The following TBXAS1 variants were observed in gnomAD, a reference collection of about 807,000 sequenced individuals.
TBXAS1 encodes the protein thromboxane A synthase 1.
Under a neutral mutation model 60.7 loss-of-function variants are expected in TBXAS1, and 48 were observed. That is an observed-to-expected ratio of 0.79 (90% CI 0.63 to 1.01). TBXAS1 has a LOEUF of 1.01. Among genes scored for constraint, TBXAS1 ranks in the 50% least tolerant of loss-of-function variants. The pLI is 0.00. For synonymous variants in TBXAS1, 287 were observed against 269.7 expected (o/e 1.06, Z -0.63); for missense variants, 685 against 686.3 (o/e 1.00, Z 0.02).
At chr7:139,984,774 AAG>A (rs1491011572) in intron 9 of TBXAS1, among the ~76,000 whole-genome samples, 6 of 56,512 alleles carry the variant, frequency 1.1e-4, no homozygotes, top group Non-Finnish European at 4.1e-5. Flanking sequence ...GCAGGAAAGA[AAG>A]AAAGAAAAGA....
chr7:139,847,477 G>C (rs2116622590), intron 1 of TBXAS1, among the ~76,000 whole-genome samples: 1 of 152,122 alleles, frequency 6.6e-6, no homozygotes, highest in East Asian at 1.9e-4. Flanking sequence ...TTCTTTGCAG[G>C]TTCAATTCTC....
chr7:139,850,383 A>G (rs1442443767), intron 1 of TBXAS1, among the ~76,000 whole-genome samples: 3 of 152,246 alleles, frequency 2.0e-5, no homozygotes, highest in Non-Finnish European at 4.4e-5. Flanking sequence ...CACAACATGA[A>G]AAAAGAAGTT....
intron 3 of TBXAS1, among the ~76,000 whole-genome samples, chr7:139,879,544 A>G (rs1280365315): frequency 6.6e-6 from 1 of 152,172 alleles, no homozygotes; most frequent in Non-Finnish European, 1.5e-5. Flanking sequence ...AAACTCTGTA[A>G]GAACAGAATC....
intron 4 of TBXAS1, among the ~76,000 whole-genome samples, chr7:139,799,252 GAC>G (rs1347670889): frequency 7.1e-6 from 1 of 141,838 alleles, no homozygotes; most frequent in Non-Finnish European, 1.5e-5. Context: ...TTTTTTTTGA[GAC>G]AGTCTCACTT....
rs530617505 is a variant in TBXAS1 at position 139,974,553 on chromosome 7, C to T, written c.1134+12320C>T. On this transcript the variant is annotated intron_variant, in intron 9 of 12. Transcript: ENST00000448866. ...GAGCTGACACCTGCTGGCAATGTGA[C>T]GTGGATCACTCACATAATCCCTTCC... Among the ~76,000 whole-genome samples the T allele has an allele frequency of 2.0e-5, 3 of 152,274 alleles. 1 individual carries two copies. The highest frequency in any genetic ancestry group is 7.2e-5 in the African/African-American group (3 of 41,546).
At chr7:140,006,183 A>G (rs1254566614) in intron 9 of TBXAS1, among the ~76,000 whole-genome samples, 6 of 152,242 alleles carry the variant, frequency 3.9e-5, no homozygotes, top group Admixed American at 3.9e-4. Flanking sequence ...ATCTAGGTGA[A>G]GAAAGTGAGA....
intron 9 of TBXAS1, among the ~76,000 whole-genome samples, chr7:139,993,892 C>CTTT (rs71170931): frequency 5.6e-4 from 62 of 111,662 alleles, no homozygotes; most frequent in Non-Finnish European, 6.8e-4. Flanking sequence ...TTCTTTCTTT[C>CTTT]TTTTTTTTTT....
intron 9 of TBXAS1, among the ~76,000 whole-genome samples, chr7:139,974,538 C>A (rs986742814): frequency 1.3e-5 from 2 of 152,292 alleles, no homozygotes; most frequent in East Asian, 3.9e-4. Flanking sequence ...GAGCTGACAC[C>A]TGCTGGCAAT....
intron 3 of TBXAS1, among the ~76,000 whole-genome samples, chr7:139,889,031 T>C (rs1225243926): frequency 2.0e-5 from 3 of 151,994 alleles, no homozygotes; most frequent in Non-Finnish European, 2.9e-5. Flanking sequence ...GAGAATTTTA[T>C]AGAGAAAGTG....
intron 3 of TBXAS1, among the ~76,000 whole-genome samples, chr7:139,884,302 T>C (rs1802914205): frequency 6.6e-6 from 1 of 152,256 alleles, no homozygotes; most frequent in African/African-American, 2.4e-5. Context: ...TTTCCAAGCC[T>C]TAACTCGGAA....
chr7:139,813,317 A>T (rs1798068268), intron 4 of TBXAS1, among the ~76,000 whole-genome samples: 1 of 152,106 alleles, frequency 6.6e-6, no homozygotes. Context: ...AGTAACCTCC[A>T]CTGACTACTG....
At chr7:139,822,305 TC>T (rs1176352960) in intron 4 of TBXAS1, among the ~76,000 whole-genome samples, 2 of 152,156 alleles carry the variant, frequency 1.3e-5, no homozygotes, top group Non-Finnish European at 2.9e-5. Flanking sequence ...TGAATCTTTT[TC>T]CAGGCATCTC....
At chr7:139,779,631 C>A (rs905055601) in intron 1 of TBXAS1, among the ~76,000 whole-genome samples, 2 of 152,202 alleles carry the variant, frequency 1.3e-5, no homozygotes, top group Non-Finnish European at 2.9e-5. Flanking sequence ...TCTATCCTCC[C>A]TGCAATCTTT....
chr7:139,821,014 T>G (rs557533139), intron 4 of TBXAS1, among the ~76,000 whole-genome samples: 46 of 152,298 alleles, frequency 3.0e-4, no homozygotes, highest in African/African-American at 8.9e-4. Flanking sequence ...TGCCAAGGCA[T>G]TTGTTGAATC....
chr7:139,925,340 T>G (rs1584868160), intron 4 of TBXAS1, among the ~76,000 whole-genome samples: 1 of 152,230 alleles, frequency 6.6e-6, no homozygotes, highest in African/African-American at 2.4e-5. Flanking sequence ...TTTACAGTCT[T>G]CATTGTAGAG....
chr7:139,885,260 A>G (rs1569507629), intron 3 of TBXAS1, among the ~76,000 whole-genome samples: 2 of 152,262 alleles, frequency 1.3e-5, no homozygotes, highest in African/African-American at 2.4e-5. Context: ...TGTAAGTGAC[A>G]GCTCTGCACA....
intron 9 of TBXAS1, among the ~76,000 whole-genome samples, chr7:139,995,321 T>G (rs575698801): frequency 6.6e-6 from 1 of 152,322 alleles, no homozygotes; most frequent in Non-Finnish European, 1.5e-5. Flanking sequence ...ACCTGCTCTC[T>G]GACTCCTACA....
intron 4 of TBXAS1, among the ~76,000 whole-genome samples, chr7:139,809,933 A>C (rs762933510): frequency 1.4e-4 from 21 of 152,196 alleles, no homozygotes; most frequent in Admixed American, 6.5e-5. Flanking sequence ...TCAAGGTGAC[A>C]CCTAAAATTA....
chr7:139,926,096 G>GTTTGT (rs544114170), intron 4 of TBXAS1, among the ~76,000 whole-genome samples: 1,973 of 151,924 alleles, frequency 0.013, 26 homozygotes, highest in Middle Eastern at 0.02. Flanking sequence ...TAGATTTTTT[G>GTTTGT]TTTGTTTTGT....
Sources: allele counts gnomAD v4.1 joint callset (sites outside exome capture counted in the v4.1 genomes callset), GRCh38; gene constraint gnomAD v4.1.1; transcripts MANE v1.5; gene names NCBI Gene and HGNC (gene_info 2026-07-23, HGNC 2026-07-21).